NCAM2: variants seen among roughly 807,000 people sequenced by gnomAD.
NCAM2 encodes N-CAM-2.
A neutral mutation model predicts 98.1 loss-of-function variants in NCAM2; 30 were observed. The ratio of observed to expected loss-of-function variants is 0.31; its 90% CI spans 0.23 to 0.41. The LOEUF is 0.41. NCAM2 is among the 10% of genes least tolerant of loss of function. NCAM2 has a pLI of 1.00. For missense variants in NCAM2, 867 were observed against 1,005.8 expected (o/e 0.86, Z 1.87); for synonymous variants, 368 against 342.4 (o/e 1.07, Z -0.83).
chr21:21,272,487 TACACACACATGCGCGCGCGCGCACAC>T (rs2072538679), intron 1 of NCAM2, among the ~76,000 whole-genome samples: 1 of 128,578 alleles, frequency 7.8e-6, no homozygotes, highest in African/African-American at 3.0e-5. Flanking sequence ...CACGCACACA[TACACACACATGCGCGCGCGCGCACAC>T]ACACACACAC....
chr21:21,274,495 C>G (rs1601837554), intron 1 of NCAM2, among the ~76,000 whole-genome samples: 1 of 152,166 alleles, frequency 6.6e-6, no homozygotes, highest in East Asian at 1.9e-4. Context: ...CACACATAGG[C>G]TGTTGTAATG....
intron 1 of NCAM2, among the ~76,000 whole-genome samples, chr21:21,029,682 G>A (rs1468191809): frequency 6.6e-6 from 1 of 151,956 alleles, no homozygotes; most frequent in Non-Finnish European, 1.5e-5. Context: ...CCAGGCTGGA[G>A]TACAGTGGCG....
intron 12 of NCAM2, 92 bp from the exon 13 acceptor site, chr21:21,466,514 A>G (rs1394030296): frequency 2.1e-6 from 2 of 938,938 alleles, no homozygotes; most frequent in East Asian, 3.1e-5. Context: ...CAGAATTGTA[A>G]TAGTTTGATT....
chr21:21,161,998 T>C (rs943332512), intron 1 of NCAM2, among the ~76,000 whole-genome samples: 2 of 152,108 alleles, frequency 1.3e-5, no homozygotes, highest in Non-Finnish European at 2.9e-5. Context: ...TTATTCACTC[T>C]CTGCATTATA....
At chr21:21,158,471 C>T (rs190876311) in intron 1 of NCAM2, among the ~76,000 whole-genome samples, 16 of 152,040 alleles carry the variant, frequency 1.1e-4, no homozygotes, top group East Asian at 7.8e-4. Context: ...ATTAGCTGGG[C>T]GTTGTGGCAC....
At position 21,284,379 on chromosome 21, in the gene NCAM2, A is replaced by G. The variant is rs747327578; in HGVS notation, c.316A>G (p.Thr106Ala). Reference sequence around the variant, plus strand: ...TGCCAAAGGACAAACACAAGAAGCTACAGTAGTTTTGGAAATTTACCGTAA... The same window carrying G: ...TGCCAAAGGACAAACACAAGAAGCTGCAGTAGTTTTGGAAATTTACCGTAA... ...TDAKGQTQEA[T>A]VVLEIYQKLT... Residue 106 changes from threonine to alanine, a missense_variant, in exon 3 of 18, where the codon ACA (threonine) becomes GCA (alanine). Physicochemically the swap from Thr to Ala is moderately conservative, Grantham distance 58. Coordinates refer to ENST00000400546, the MANE Select transcript of NCAM2 (RefSeq NM_004540.5). 6.2e-6 allele frequency: 10 copies of G among 1,611,926 alleles called. No individual in the cohort carries two copies. Among genetic ancestry groups the G allele is most frequent in the South Asian group, 2.2e-5 (2 of 91,010 alleles).
intron 1 of NCAM2, among the ~76,000 whole-genome samples, chr21:21,139,215 G>C (rs1850563343): frequency 6.6e-6 from 1 of 152,200 alleles, no homozygotes; most frequent in Admixed American, 6.5e-5. Flanking sequence ...GCTGGAGTGA[G>C]GCAGCCACAA....
intron 16 of NCAM2, among the ~76,000 whole-genome samples, chr21:21,512,267 G>A (rs1988435814): frequency 6.6e-6 from 1 of 151,958 alleles, no homozygotes; most frequent in African/African-American, 2.4e-5. Context: ...TTTGTTCTTT[G>A]TATATGGCAA....
chr21:21,372,647 C>G (rs1011257109), intron 8 of NCAM2, among the ~76,000 whole-genome samples: 2 of 151,748 alleles, frequency 1.3e-5, no homozygotes, highest in African/African-American at 4.8e-5. Context: ...ACTTTTAGTG[C>G]AAGTATTTGA....
intron 15 of NCAM2, among the ~76,000 whole-genome samples, chr21:21,498,117 CATT>C (rs1987374220): frequency 6.6e-6 from 1 of 151,980 alleles, no homozygotes; most frequent in South Asian, 2.1e-4. Context: ...CCAATGAACT[CATT>C]ATATACGTAT....
intron 1 of NCAM2, among the ~76,000 whole-genome samples, chr21:20,999,855 T>C (rs2063987277): frequency 6.6e-6 from 1 of 152,210 alleles, no homozygotes; most frequent in Non-Finnish European, 1.5e-5. Flanking sequence ...CTTGACATTT[T>C]GGATGTGAAG....
At position 21,033,493 on chromosome 21, in the gene NCAM2, C is replaced by T. The variant is rs186220901; in HGVS notation, c.55+34875C>T. Reference sequence around the variant, plus strand: ...GTCCAGATGGTGGACGCTTAAATATCCTCTTCACTGAGGAGAGTGGAGATG... The same window carrying T: ...GTCCAGATGGTGGACGCTTAAATATTCTCTTCACTGAGGAGAGTGGAGATG... On this transcript the variant is annotated intron_variant, in intron 1 of 17. Transcript: ENST00000400546. 3.3e-3 allele frequency among the ~76,000 whole-genome samples: 507 copies of T among 152,178 alleles called. 1 individual carries two copies. Among genetic ancestry groups the T allele is most frequent in the African/African-American group, 0.012 (481 of 41,512 alleles).
At chr21:21,444,330 G>A (rs951311610) in intron 12 of NCAM2, among the ~76,000 whole-genome samples, 2 of 152,180 alleles carry the variant, frequency 1.3e-5, no homozygotes, top group Non-Finnish European at 2.9e-5. Flanking sequence ...TTTGGTATCA[G>A]GATGATGCTG....
chr21:21,032,398 A>G (rs1192652648), intron 1 of NCAM2, among the ~76,000 whole-genome samples: 3 of 152,200 alleles, frequency 2.0e-5, no homozygotes, highest in Non-Finnish European at 1.5e-5. Flanking sequence ...AATGTAGGCT[A>G]ATAAGTCTCT....
At chr21:21,065,510 CT>C (rs553999666) in intron 1 of NCAM2, among the ~76,000 whole-genome samples, 4 of 152,130 alleles carry the variant, frequency 2.6e-5, no homozygotes, top group Non-Finnish European at 5.9e-5. Context: ...TGAATGAATA[CT>C]TTTTATTCTC....
At chr21:21,296,071 G>A (rs964119682) in intron 5 of NCAM2, among the ~76,000 whole-genome samples, 3 of 151,704 alleles carry the variant, frequency 2.0e-5, no homozygotes, top group Non-Finnish European at 2.9e-5. Flanking sequence ...TATATACAAA[G>A]TGCTGGCTAT....
At chr21:21,258,692 C>CAT (rs2071769429) in intron 1 of NCAM2, among the ~76,000 whole-genome samples, 2 of 152,238 alleles carry the variant, frequency 1.3e-5, no homozygotes, top group South Asian at 2.1e-4. Flanking sequence ...TGGCAGGCGC[C>CAT]ATACTGTTTG....
chr21:21,123,848 C>CTTTTTTGTTTTTTTT (rs2066728256), intron 1 of NCAM2, among the ~76,000 whole-genome samples: 1 of 86,656 alleles, frequency 1.2e-5, no homozygotes, highest in Non-Finnish European at 2.0e-5. Context: ...TTCTTGATTG[C>CTTTTTTGTTTTTTTT]TTTTTTTTTT....
At position 21,530,150 on chromosome 21, in the gene NCAM2, T is replaced by C. The variant is rs180922081; in HGVS notation, c.2283-4387T>C. On this transcript the variant is annotated intron_variant, in intron 16 of 17. Coordinates refer to ENST00000400546, the MANE Select transcript of NCAM2 (RefSeq NM_004540.5). ...TATATATGATTTAATTTAATTTAAT[T>C]ATATATGATTTAATTTAATTTAATT... Among the ~76,000 whole-genome samples, 268 of 91,214 alleles carry C rather than the reference T, an allele frequency of 2.9e-3. 4 individuals are homozygous for C. Among genetic ancestry groups the C allele is most frequent in the African/African-American group, 5.7e-3 (143 of 25,150 alleles). 59.8% of individuals were successfully genotyped at this position (91,214 alleles called of 152,430 possible). A position where few individuals can be genotyped will look rare whatever the true frequency, so the allele number is the denominator to read the frequency against.
Sources: gnomAD v4.1 joint callset for allele counts (sites outside exome capture counted in the v4.1 genomes callset) on GRCh38, gnomAD v4.1.1 for gene constraint, MANE v1.5 for transcripts, NCBI Gene and HGNC (gene_info 2026-07-23, HGNC 2026-07-21) for gene names.